The following LEKR1 variants were observed in gnomAD, a reference collection of about 807,000 sequenced individuals.
LEKR1 encodes protein LEKR1.
In LEKR1, 59 loss-of-function variants were observed where a neutral mutation model predicts 72.4. The ratio of observed to expected loss-of-function variants is 0.82; its 90% CI spans 0.66 to 1.01. The LOEUF is 1.01. LEKR1 is among the 50% of genes least tolerant of loss of function. The pLI, the probability that LEKR1 is intolerant of heterozygous loss-of-function variation, is 0.00. For synonymous variants in LEKR1, 257 were observed against 263.2 expected (o/e 0.98, Z 0.23); for missense variants, 728 against 759.2 (o/e 0.96, Z 0.48).
chr3:157,024,502 A>AG (rs1734056135), intron 10 of LEKR1, among the ~76,000 whole-genome samples: 1 of 152,186 alleles, frequency 6.6e-6, no homozygotes, highest in South Asian at 2.1e-4. Context: ...AGCTTTTAGT[A>AG]TTTCTGAAAA....
At chr3:156,940,518 A>T (rs929100569) in intron 5 of LEKR1, among the ~76,000 whole-genome samples, 1 of 152,218 alleles carries the variant, frequency 6.6e-6, no homozygotes, top group African/African-American at 2.4e-5. Context: ...ATCGGGACAC[A>T]TGTCTTACAA....
chr3:156,927,603 A>T lies in LEKR1; in HGVS notation c.558A>T (p.Thr186=), dbSNP rs1576839693. Reference sequence around the variant, plus strand: ...AATCTATAAGTGAAACAGCCTTGACAGGTTTGTTACATATATTTAGAATAT... The same window carrying T: ...AATCTATAAGTGAAACAGCCTTGACTGGTTTGTTACATATATTTAGAATAT... ...QIKSISETAL[T]EIDILNKSLT... is the part of the protein sequence containing the mutation. Residue 186 remains threonine (T), a splice_region_variant and synonymous_variant, in exon 5 of 13, where the codon ACA becomes ACT. Coordinates refer to ENST00000356539, the MANE Select transcript of LEKR1 (RefSeq NM_001004316.3). 1 of 1,204,860 alleles carries T rather than the reference A, an allele frequency of 8.3e-7. No homozygotes were observed. Among genetic ancestry groups the T allele is most frequent in the Admixed American group, 3.7e-5 (1 of 27,078 alleles). The allele number at this position is 1,204,860 out of a possible 1,614,324, so 74.6% of individuals were successfully genotyped here.
At chr3:156,952,127 A>G (rs977476623) in intron 6 of LEKR1, among the ~76,000 whole-genome samples, 1 of 151,466 alleles carries the variant, frequency 6.6e-6, no homozygotes, top group African/African-American at 2.4e-5. Flanking sequence ...GGCAAGCTCT[A>G]TTTAAAGATA....
At chr3:156,988,447 G>C (rs563265134) in intron 7 of LEKR1, 207 of 200,826 alleles carry the variant, frequency 1.0e-3, no homozygotes, top group Non-Finnish European at 1.7e-3. Flanking sequence ...TTTTTCCCTT[G>C]CTTTCTCCAG....
intron 2 of LEKR1, among the ~76,000 whole-genome samples, chr3:156,834,692 A>G (rs1400834603): frequency 2.3e-4 from 35 of 152,210 alleles, no homozygotes; most frequent in Admixed American, 2.2e-3. Flanking sequence ...GGCTAACTCC[A>G]TATGTCCCCA....
chr3:157,020,124 CA>C, intron 10 of LEKR1, among the ~76,000 whole-genome samples: 1 of 152,100 alleles, frequency 6.6e-6, no homozygotes, highest in South Asian at 2.1e-4. Context: ...AAGAATAGTT[CA>C]GGGGCAACAA....
At chr3:156,861,324 G>C (rs1480906089) in intron 3 of LEKR1, among the ~76,000 whole-genome samples, 1 of 152,006 alleles carries the variant, frequency 6.6e-6, no homozygotes, top group East Asian at 1.9e-4. Context: ...AGCACTTTTT[G>C]GTGTTTATGG....
chr3:156,936,683 T>C (rs1044777642), intron 5 of LEKR1, among the ~76,000 whole-genome samples: 2 of 152,126 alleles, frequency 1.3e-5, no homozygotes, highest in African/African-American at 2.4e-5. Context: ...CAGAAAAATA[T>C]ACTCAACTGA....
chr3:156,866,896 A>G (rs1159968354), intron 3 of LEKR1, among the ~76,000 whole-genome samples: 1 of 152,034 alleles, frequency 6.6e-6, no homozygotes, highest in African/African-American at 2.4e-5. Flanking sequence ...TGTCCTTCAT[A>G]TAGTAAATGC....
At chr3:156,937,285 A>G (rs1196487158) in intron 5 of LEKR1, among the ~76,000 whole-genome samples, 1 of 152,220 alleles carries the variant, frequency 6.6e-6, no homozygotes, top group Non-Finnish European at 1.5e-5. Context: ...CATATCCAAC[A>G]AAGGATTTAT....
At chr3:156,896,494 A>T (rs1008686205) in intron 3 of LEKR1, among the ~76,000 whole-genome samples, 1 of 152,226 alleles carries the variant, frequency 6.6e-6, no homozygotes, top group Non-Finnish European at 1.5e-5. Context: ...GCAAATCAAC[A>T]CCACAATGAG....
chr3:156,859,214 A>G (rs1330524965), intron 3 of LEKR1, among the ~76,000 whole-genome samples: 1 of 152,180 alleles, frequency 6.6e-6, no homozygotes, highest in South Asian at 2.1e-4. Flanking sequence ...TTGAAAAATG[A>G]TAAGGGAATA....
At chr3:156,928,127 T>C (rs1238008620) in intron 5 of LEKR1, among the ~76,000 whole-genome samples, 1 of 152,002 alleles carries the variant, frequency 6.6e-6, no homozygotes, top group Non-Finnish European at 1.5e-5. Context: ...CAATCAGTGG[T>C]TGCCATGAGT....
At chr3:156,906,898 A>T (rs1722583928) in intron 3 of LEKR1, among the ~76,000 whole-genome samples, 1 of 152,178 alleles carries the variant, frequency 6.6e-6, no homozygotes, top group Non-Finnish European at 1.5e-5. Flanking sequence ...AAATGGACTG[A>T]GAATTCTTTT....
chr3:156,866,916 G>A (rs1378957755), intron 3 of LEKR1, among the ~76,000 whole-genome samples: 2 of 152,020 alleles, frequency 1.3e-5, no homozygotes, highest in Non-Finnish European at 2.9e-5. Flanking sequence ...CCCAACAAGT[G>A]TTTCTTGATG....
At chr3:157,016,833 T>G (rs1733382995) in intron 10 of LEKR1, among the ~76,000 whole-genome samples, 1 of 152,208 alleles carries the variant, frequency 6.6e-6, no homozygotes, top group Non-Finnish European at 1.5e-5. Flanking sequence ...CATGTAGTGA[T>G]ATGTCATTAG....
intron 9 of LEKR1, among the ~76,000 whole-genome samples, chr3:156,995,447 T>C (rs1191313356): frequency 1.3e-5 from 2 of 152,206 alleles, no homozygotes; most frequent in Non-Finnish European, 2.9e-5. Flanking sequence ...CCTTGTACTT[T>C]CTTTATTCTC....
At chr3:157,030,732 A>G (rs7623552) in intron 12 of LEKR1, among the ~76,000 whole-genome samples, 5,422 of 152,224 alleles carry the variant, frequency 0.036, 337 homozygotes, top group African/African-American at 0.12. Context: ...GGTTGGTGTC[A>G]GGGTATCCAC....
intron 2 of LEKR1, among the ~76,000 whole-genome samples, chr3:156,847,052 C>T (rs1033427543): frequency 2.6e-5 from 4 of 152,092 alleles, no homozygotes; most frequent in Non-Finnish European, 4.4e-5. Context: ...AAGCAATCCA[C>T]CTACCTCGGC....
Sources: gnomAD v4.1 joint callset for allele counts (sites outside exome capture counted in the v4.1 genomes callset) on GRCh38, gnomAD v4.1.1 for gene constraint, MANE v1.5 for transcripts, NCBI Gene and HGNC (gene_info 2026-07-23, HGNC 2026-07-21) for gene names.